PPP2R5E: variants seen among roughly 807,000 people sequenced by gnomAD.
The protein encoded by PPP2R5E is protein phosphatase 2 regulatory subunit B'epsilon.
In PPP2R5E, 4 loss-of-function variants were observed where a neutral mutation model predicts 65.3. The observed-to-expected ratio is 0.06, with a 90% CI of 0.03 to 0.14. The LOEUF (loss-of-function observed/expected upper bound fraction) is 0.14. PPP2R5E is among the 10% of genes least tolerant of loss of function. The probability of loss-of-function intolerance (pLI) is 1.00; values close to 1 mark genes in which losing one functional copy is unlikely to be tolerated. For missense variants in PPP2R5E, 274 were observed against 556.1 expected (o/e 0.49, Z 5.10); for synonymous variants, 183 against 187.4 (o/e 0.98, Z 0.19).
intron 2 of PPP2R5E, among the ~76,000 whole-genome samples, chr14:63,516,398 C>T (rs375787636): frequency 1.6e-4 from 25 of 152,278 alleles, no homozygotes; most frequent in African/African-American, 5.5e-4. Flanking sequence ...TGCAACAAAT[C>T]CATAATTTCA....
chr14:63,508,591 T>C (rs904344447), intron 2 of PPP2R5E, among the ~76,000 whole-genome samples: 9 of 152,172 alleles, frequency 5.9e-5, no homozygotes, highest in African/African-American at 2.2e-4. Context: ...CATAGAGAGA[T>C]TAAATAACTT....
At chr14:63,419,706 A>G (rs1886898854) in intron 4 of PPP2R5E, among the ~76,000 whole-genome samples, 1 of 152,224 alleles carries the variant, frequency 6.6e-6, no homozygotes. Flanking sequence ...TACGAATTTT[A>G]AAAGGTTCCT....
chr14:63,440,493 G>C (rs1888168923), intron 3 of PPP2R5E, among the ~76,000 whole-genome samples: 1 of 151,952 alleles, frequency 6.6e-6, no homozygotes, highest in African/African-American at 2.4e-5. Context: ...AAAATACAGG[G>C]AAGGGCTTAA....
At chr14:63,474,096 A>G (rs984876579) in intron 2 of PPP2R5E, among the ~76,000 whole-genome samples, 1 of 152,266 alleles carries the variant, frequency 6.6e-6, no homozygotes, top group Non-Finnish European at 1.5e-5. Flanking sequence ...TTAGGAGACT[A>G]CAGCTACATA....
At chr14:63,454,798 A>G (rs913146717) in intron 2 of PPP2R5E, among the ~76,000 whole-genome samples, 4 of 152,216 alleles carry the variant, frequency 2.6e-5, no homozygotes, top group African/African-American at 9.6e-5. Flanking sequence ...TCCCTGGAGA[A>G]GCAATGAAAA....
chr14:63,430,346 T>TATACATACATACATACATGCATGC, intron 3 of PPP2R5E, among the ~76,000 whole-genome samples: 1 of 135,238 alleles, frequency 7.4e-6, no homozygotes, highest in South Asian at 2.2e-4. Flanking sequence ...AAAACCCATG[T>TATACATACATACATACATGCATGC]ATACATACAT....
At chr14:63,438,160 G>C (rs1024613266) in intron 3 of PPP2R5E, among the ~76,000 whole-genome samples, 2 of 152,150 alleles carry the variant, frequency 1.3e-5, no homozygotes, top group Non-Finnish European at 2.9e-5. Flanking sequence ...CCAGATTCTT[G>C]CCTCAGGCAC....
intron 2 of PPP2R5E, among the ~76,000 whole-genome samples, chr14:63,522,226 G>A (rs1191139387): frequency 2.6e-5 from 4 of 152,140 alleles, no homozygotes; most frequent in East Asian, 1.9e-4. Flanking sequence ...GATTGCAGAC[G>A]GAGTCTGGTT....
At chr14:63,485,662 C>T (rs532054756) in intron 2 of PPP2R5E, among the ~76,000 whole-genome samples, 1 of 152,208 alleles carries the variant, frequency 6.6e-6, no homozygotes, top group South Asian at 2.1e-4. Flanking sequence ...GATCCACCCG[C>T]CTCGGCCTCC....
intron 2 of PPP2R5E, among the ~76,000 whole-genome samples, chr14:63,506,017 TTC>T (rs1222012644): frequency 3.3e-5 from 5 of 152,172 alleles, no homozygotes; most frequent in African/African-American, 1.2e-4. Flanking sequence ...GACAAATATT[TTC>T]TGAGCATGTA....
chr14:63,396,771 A>T (rs1885419050), intron 5 of PPP2R5E, 55 bp from the exon 6 acceptor site: 1 of 1,585,284 alleles, frequency 6.3e-7, no homozygotes, highest in Admixed American at 1.8e-5. Context: ...AAAAGGATTT[A>T]GGAATTCTAT....
chr14:63,458,573 T>C (rs1355603142), intron 2 of PPP2R5E, among the ~76,000 whole-genome samples: 2 of 152,226 alleles, frequency 1.3e-5, no homozygotes, highest in East Asian at 1.9e-4. Flanking sequence ...TACATCATTA[T>C]ATTTATTACC....
At chr14:63,430,413 A>ACATACATGCATACATACATACATACATG (rs1887610450) in intron 3 of PPP2R5E, among the ~76,000 whole-genome samples, 1 of 143,570 alleles carries the variant, frequency 7.0e-6, no homozygotes, top group East Asian at 1.9e-4. Context: ...ATACATACAT[A>ACATACATGCATACATACATACATACATG]CATACATGCA....
intron 9 of PPP2R5E, 28 bp downstream of exon 9, chr14:63,391,944 T>G (rs769176745): frequency 1.6e-5 from 25 of 1,608,544 alleles, no homozygotes; most frequent in Admixed American, 5.0e-5. Context: ...TTTTCTTAAG[T>G]TTTTGAAATT....
intron 3 of PPP2R5E, among the ~76,000 whole-genome samples, chr14:63,436,582 A>G (rs555297450): frequency 6.6e-6 from 1 of 152,340 alleles, no homozygotes; most frequent in South Asian, 2.1e-4. Context: ...TAGCACATAT[A>G]ACCATAGGTT....
intron 2 of PPP2R5E, among the ~76,000 whole-genome samples, chr14:63,511,223 G>A (rs1474896760): frequency 1.3e-5 from 2 of 152,180 alleles, no homozygotes; most frequent in Non-Finnish European, 2.9e-5. Context: ...AAGTTGTTAA[G>A]CATTTGCATT....
In PPP2R5E at chr14:63,372,744, A is replaced by G. The variant is rs145069103; in HGVS notation, c.*3265T>C. On this transcript the variant is annotated 3_prime_UTR_variant, in exon 14 of 14. Coordinates refer to ENST00000337537, the MANE Select transcript of PPP2R5E (RefSeq NM_006246.5). ...CCATAGTGTGATTGAGCCTAGGGCT[A>G]TACATTTAAGTATAGCAGGTGCAAT... The G allele has an allele frequency of 5.9e-5, 9 of 152,180 alleles. No individual in the cohort carries two copies. The East Asian group carries it at 1.4e-3, about 23-fold the overall frequency. The allele number at this position is 152,180 out of a possible 1,614,324, so 9.4% of individuals were successfully genotyped here.
intron 2 of PPP2R5E, among the ~76,000 whole-genome samples, chr14:63,536,207 G>T (rs1349073913): frequency 6.6e-6 from 1 of 152,088 alleles, no homozygotes; most frequent in Non-Finnish European, 1.5e-5. Context: ...TTGGAAAACT[G>T]GCAACACTAG....
At chr14:63,420,249 T>G (rs1285285909) in intron 4 of PPP2R5E, among the ~76,000 whole-genome samples, 1 of 152,234 alleles carries the variant, frequency 6.6e-6, no homozygotes, top group Non-Finnish European at 1.5e-5. Flanking sequence ...GGAGATCGTC[T>G]TTTTGTTGTT....
Sources: gnomAD v4.1 joint callset for allele counts (sites outside exome capture counted in the v4.1 genomes callset) on GRCh38, gnomAD v4.1.1 for gene constraint, MANE v1.5 for transcripts, NCBI Gene and HGNC (gene_info 2026-07-23, HGNC 2026-07-21) for gene names.